USH2A: variants seen among roughly 807,000 people sequenced by gnomAD.
USH2A encodes Usher syndrome 2A (autosomal recessive, mild).
In USH2A, 443 loss-of-function variants were observed where a neutral mutation model predicts 538.9. That is an observed-to-expected ratio of 0.82 (90% CI 0.76 to 0.89). USH2A has a LOEUF of 0.89. Ranked by LOEUF, USH2A falls within the 40% of genes least tolerant of loss-of-function variation. The pLI, the probability that USH2A is intolerant of heterozygous loss-of-function variation, is 0.00. For missense variants in USH2A, 6,633 were observed against 6,324.8 expected, an observed-to-expected ratio of 1.05 and a Z score of -1.65; for synonymous variants, 2,413 against 2,273.5, an observed-to-expected ratio of 1.06 and a Z score of -1.75.
intron 21 of USH2A, among the ~76,000 whole-genome samples, chr1:216,156,993 C>T (rs963749062): frequency 6.6e-6 from 1 of 151,808 alleles, no homozygotes; most frequent in Admixed American, 6.6e-5. Flanking sequence ...CCTGCCTCAG[C>T]CTCCTGAGTA....
chr1:215,758,845 A>C, intron 57 of USH2A, 93 bp from the exon 58 acceptor site: 1 of 1,396,886 alleles, frequency 7.2e-7, no homozygotes, highest in Non-Finnish European at 1.0e-6. Context: ...CTTAGTCCTA[A>C]ATTTGTGACA....
chr1:216,228,733 A>G (rs1377552329), intron 14 of USH2A, among the ~76,000 whole-genome samples: 2 of 151,794 alleles, frequency 1.3e-5, no homozygotes, highest in East Asian at 3.9e-4. Context: ...CAGCATGAAA[A>G]CGGACTAATA....
chr1:216,400,789 T>A (rs1376855273), intron 3 of USH2A, among the ~76,000 whole-genome samples: 1 of 152,144 alleles, frequency 6.6e-6, no homozygotes, highest in Non-Finnish European at 1.5e-5. Flanking sequence ...ACAACATTTA[T>A]CAAGTAATGA....
At position 215,845,817 on chromosome 1, in the gene USH2A, G is replaced by T; in HGVS notation, c.9055+7C>A. On this transcript the variant is annotated splice_region_variant and intron_variant, in intron 45 of 71. Coordinates refer to ENST00000307340, the MANE Select transcript of USH2A (RefSeq NM_206933.4). ...TGAGGCAAATATCCTTTAGAATCTG[G>T]ACTCACCCCCATCGCAAGTGGTTGC... 6.2e-7 allele frequency: 1 copy of T among 1,612,884 alleles called. No individual in the cohort carries two copies. The highest frequency in any genetic ancestry group is 8.5e-7 in the Non-Finnish European group (1 of 1,179,436).
intron 32 of USH2A, among the ~76,000 whole-genome samples, chr1:216,016,284 T>C (rs2365885): frequency 0.15 from 22,762 of 152,018 alleles, 1,783 homozygotes; most frequent in Middle Eastern, 0.23. Context: ...ATGGCACATG[T>C]ATACATATGT....
In USH2A at chr1:216,191,108, T is replaced by A. The variant is rs371261658; in HGVS notation, c.4252-741A>T. 9.9e-5 allele frequency among the ~76,000 whole-genome samples: 15 copies of A among 152,076 alleles called. 1 individual carries two copies. Among genetic ancestry groups the A allele is most frequent in the Admixed American group, 3.9e-4 (6 of 15,238 alleles). The stretch of plus-strand genomic sequence containing the variant: ...GTTCTGTCATTATAATTTGAAGTGA[T>A]CAAAAGCAACCATGTAAATTTGTTT... On this transcript the variant is annotated intron_variant, in intron 19 of 71. Coordinates refer to ENST00000307340, the MANE Select transcript of USH2A (RefSeq NM_206933.4).
At chr1:216,089,536 A>G (rs1558253117) in intron 22 of USH2A, among the ~76,000 whole-genome samples, 1 of 152,088 alleles carries the variant, frequency 6.6e-6, no homozygotes, top group Non-Finnish European at 1.5e-5. Flanking sequence ...ATACCACTCA[A>G]AATGAGTTCT....
At chr1:215,985,417 C>T (rs755811926) in intron 35 of USH2A, among the ~76,000 whole-genome samples, 5 of 152,062 alleles carry the variant, frequency 3.3e-5, no homozygotes, top group Non-Finnish European at 5.9e-5. Flanking sequence ...TGAATAAAAC[C>T]GTGAATTTTT....
chr1:215,920,158 AC>A (rs776850966), intron 38 of USH2A, among the ~76,000 whole-genome samples: 2 of 152,048 alleles, frequency 1.3e-5, no homozygotes, highest in Non-Finnish European at 2.9e-5. Context: ...TTTCTCAAAG[AC>A]CTTTGTGTTC....
intron 54 of USH2A, among the ~76,000 whole-genome samples, chr1:215,781,169 A>G (rs1661624074): frequency 6.6e-6 from 1 of 151,942 alleles, no homozygotes; most frequent in Admixed American, 6.6e-5. Flanking sequence ...TTCCATGTCC[A>G]TATTTATACT....
chr1:215,880,038 T>G (rs1320327967), intron 41 of USH2A, among the ~76,000 whole-genome samples: 1 of 152,194 alleles, frequency 6.6e-6, no homozygotes, highest in Non-Finnish European at 1.5e-5. Context: ...CTTAGTACCA[T>G]GTGCACAGAG....
rs1162200300 is a variant in USH2A at position 216,374,934 on chromosome 1, AAGATTCGGTGCTAAGT to A, written c.652-9865_652-9850del. Reference sequence around the variant, plus strand: ...AAGAGATGAGTGGTCTTTAGGAACAAAGATTCGGTGCTAAGTAGATTCGTGCTATTTCAGTGTTACT... The same window carrying A: ...AAGAGATGAGTGGTCTTTAGGAACAAAGATTCGTGCTATTTCAGTGTTACT... On this transcript the variant is annotated intron_variant, in intron 3 of 71. Coordinates refer to ENST00000307340, the MANE Select transcript of USH2A (RefSeq NM_206933.4). 6.8e-4 allele frequency among the ~76,000 whole-genome samples: 104 copies of A among 152,264 alleles called. 1 individual carries two copies. Among genetic ancestry groups the A allele is most frequent in the African/African-American group, 2.4e-3 (98 of 41,562 alleles).
intron 41 of USH2A, among the ~76,000 whole-genome samples, chr1:215,885,085 A>G (rs924309977): frequency 7.2e-5 from 11 of 152,038 alleles, no homozygotes; most frequent in Middle Eastern, 3.4e-3. Flanking sequence ...TTTCTTATCA[A>G]TCCTCAATTC....
chr1:215,959,493 C>T (rs1235674071), intron 37 of USH2A, among the ~76,000 whole-genome samples: 1 of 151,986 alleles, frequency 6.6e-6, no homozygotes, highest in Non-Finnish European at 1.5e-5. Flanking sequence ...TCACCTAAAA[C>T]CTGTTTGTTG....
At chr1:215,908,650 A>G (rs899929422) in intron 38 of USH2A, among the ~76,000 whole-genome samples, 2 of 151,910 alleles carry the variant, frequency 1.3e-5, no homozygotes, top group African/African-American at 4.8e-5. Context: ...GAATACTTAC[A>G]TATTATTTAG....
At chr1:216,135,620 A>G (rs2033470996) in intron 21 of USH2A, among the ~76,000 whole-genome samples, 1 of 152,162 alleles carries the variant, frequency 6.6e-6, no homozygotes, top group Admixed American at 6.6e-5. Flanking sequence ...TTAGGAAAAT[A>G]CACCAAATGG....
At chr1:216,057,441 A>C (rs1472001268) in intron 30 of USH2A, among the ~76,000 whole-genome samples, 1 of 152,180 alleles carries the variant, frequency 6.6e-6, no homozygotes, top group African/African-American at 2.4e-5. Context: ...GGATCACCTG[A>C]GGTCAGGAGT....
intron 14 of USH2A, among the ~76,000 whole-genome samples, chr1:216,229,225 A>T (rs761731213): frequency 6.6e-6 from 1 of 151,286 alleles, no homozygotes. Flanking sequence ...TTAGAAATCT[A>T]CTCAGCTTCT....
rs770011395 is a variant in USH2A at position 216,321,981 on chromosome 1, A to C, written c.1551-5T>G. On this transcript the variant is annotated splice_region_variant and splice_polypyrimidine_tract_variant and intron_variant, in intron 8 of 71. Transcript: ENST00000307340. The stretch of plus-strand genomic sequence containing the variant: ...GCATGACCATGGCACTGACATCTGC[A>C]AACATGAGCATCACACACTCCTAAG... The C allele has an allele frequency of 3.1e-6, 5 of 1,613,794 alleles. No homozygotes were observed. The highest frequency in any genetic ancestry group is 3.4e-6 in the Non-Finnish European group (4 of 1,179,788).
Sources: allele counts gnomAD v4.1 joint callset (sites outside exome capture counted in the v4.1 genomes callset), GRCh38; gene constraint gnomAD v4.1.1; transcripts MANE v1.5; gene names NCBI Gene and HGNC (gene_info 2026-07-23, HGNC 2026-07-21).